The following NOS1AP variants were observed in gnomAD, a reference collection of about 807,000 sequenced individuals.
NOS1AP encodes the protein nitric oxide synthase 1 adaptor protein, also known as carboxyl-terminal PDZ ligand of neuronal nitric oxide synthase protein.
NOS1AP carries 21 observed loss-of-function variants against 56.2 expected under a neutral mutation model. That is an observed-to-expected ratio of 0.37 (90% CI 0.26 to 0.54). The LOEUF (loss-of-function observed/expected upper bound fraction) is 0.54, where lower values mean the gene tolerates loss of function less well. Ranked by LOEUF, NOS1AP falls within the 20% of genes least tolerant of loss-of-function variation. The pLI is 0.84. For synonymous variants in NOS1AP, 270 were observed against 274.6 expected (o/e 0.98, Z 0.17); for missense variants, 522 against 657.8 (o/e 0.79, Z 2.26).
intron 1 of NOS1AP, among the ~76,000 whole-genome samples, chr1:162,125,771 A>G (rs1329459517): frequency 6.6e-6 from 1 of 152,090 alleles, no homozygotes; most frequent in East Asian, 1.9e-4. Flanking sequence ...TTTTGGTTCC[A>G]TATGAATTTT....
At chr1:162,128,942 A>T in intron 1 of NOS1AP, among the ~76,000 whole-genome samples, 1 of 152,168 alleles carries the variant, frequency 6.6e-6, no homozygotes, top group East Asian at 1.9e-4. Flanking sequence ...TTCCAATGGA[A>T]CCATTGATTC....
intron 1 of NOS1AP, among the ~76,000 whole-genome samples, chr1:162,139,440 A>G (rs1649140451): frequency 6.6e-6 from 1 of 152,230 alleles, no homozygotes; most frequent in Admixed American, 6.5e-5. Context: ...GACTGATGAC[A>G]GGATGTCCAC....
intron 1 of NOS1AP, among the ~76,000 whole-genome samples, chr1:162,148,320 C>G (rs886653789): frequency 1.3e-5 from 2 of 152,170 alleles, no homozygotes; most frequent in African/African-American, 2.4e-5. Flanking sequence ...CTGTGGGAGG[C>G]ACGGTCAGCT....
At chr1:162,218,034 G>A (rs1288531048) in intron 2 of NOS1AP, among the ~76,000 whole-genome samples, 1 of 152,198 alleles carries the variant, frequency 6.6e-6, no homozygotes, top group Non-Finnish European at 1.5e-5. Context: ...TGGAGAGGTT[G>A]ACTAACTTCC....
intron 1 of NOS1AP, among the ~76,000 whole-genome samples, chr1:162,081,318 AACGGGTC>A (rs1436318813): frequency 1.3e-5 from 2 of 152,158 alleles, no homozygotes; most frequent in Non-Finnish European, 2.9e-5. Flanking sequence ...GCCATTGGGC[AACGGGTC>A]ACCTGTAAAG....
chr1:162,155,570 C>A (rs758531882), intron 2 of NOS1AP, among the ~76,000 whole-genome samples: 9 of 151,862 alleles, frequency 5.9e-5, no homozygotes, highest in Non-Finnish European at 1.0e-4. Flanking sequence ...AGTGTAAGCG[C>A]ATTTTCTTCT....
chr1:162,347,019 G>C (rs966694807), intron 6 of NOS1AP, among the ~76,000 whole-genome samples: 27 of 152,242 alleles, frequency 1.8e-4, no homozygotes, highest in African/African-American at 6.0e-4. Flanking sequence ...ATAGACTTTG[G>C]CGAATATTTT....
At chr1:162,203,917 G>A (rs1652077843) in intron 2 of NOS1AP, among the ~76,000 whole-genome samples, 1 of 152,180 alleles carries the variant, frequency 6.6e-6, no homozygotes, top group Non-Finnish European at 1.5e-5. Flanking sequence ...AAGATCTGAA[G>A]TTCAAGAAAT....
intron 2 of NOS1AP, among the ~76,000 whole-genome samples, chr1:162,178,600 C>T (rs1651146028): frequency 6.6e-6 from 1 of 152,148 alleles, no homozygotes; most frequent in Admixed American, 6.5e-5. Flanking sequence ...CACTTACACT[C>T]ATCCCTCCTG....
chr1:162,218,425 C>G (rs1652655198), intron 2 of NOS1AP, among the ~76,000 whole-genome samples: 1 of 152,110 alleles, frequency 6.6e-6, no homozygotes, highest in African/African-American at 2.4e-5. Context: ...AAACCAAGCC[C>G]CTTCGGTTAT....
At chr1:162,329,383 G>A (rs375361745) in intron 4 of NOS1AP, among the ~76,000 whole-genome samples, 1 of 147,608 alleles carries the variant, frequency 6.8e-6, no homozygotes, top group East Asian at 1.9e-4. Context: ...GAGAGAGAGA[G>A]AAAAGAAATT....
At chr1:162,134,485 TAAAAAA>T (rs66940059) in intron 1 of NOS1AP, among the ~76,000 whole-genome samples, 5 of 92,708 alleles carry the variant, frequency 5.4e-5, no homozygotes, top group East Asian at 5.2e-4. Context: ...AGACTTTGTC[TAAAAAA>T]AAAAAAAAAA....
At chr1:162,250,051 C>G (rs189191180) in intron 2 of NOS1AP, among the ~76,000 whole-genome samples, 43 of 152,284 alleles carry the variant, frequency 2.8e-4, no homozygotes, top group African/African-American at 1.0e-3. Flanking sequence ...CCTGTCTGTT[C>G]CCTTGTTCTG....
intron 1 of NOS1AP, among the ~76,000 whole-genome samples, chr1:162,128,380 G>T (rs1648584269): frequency 6.6e-6 from 1 of 151,608 alleles, no homozygotes; most frequent in Non-Finnish European, 1.5e-5. Context: ...TATTTTTGGG[G>T]GTATATTAAT....
intron 1 of NOS1AP, among the ~76,000 whole-genome samples, chr1:162,142,563 G>T (rs74125931): frequency 0.14 from 20,599 of 152,108 alleles, 1,764 homozygotes; most frequent in African/African-American, 0.24. Flanking sequence ...TGATCATTGT[G>T]TATGATCCTT....
At chr1:162,079,621 C>T (rs1035519476) in intron 1 of NOS1AP, among the ~76,000 whole-genome samples, 1 of 152,222 alleles carries the variant, frequency 6.6e-6, no homozygotes, top group Non-Finnish European at 1.5e-5. Context: ...TCTCATACTT[C>T]GTAGGGTTAA....
chr1:162,365,610 G>A (rs1440246726), intron 9 of NOS1AP, 41 bp downstream of exon 9: 24 of 1,601,558 alleles, frequency 1.5e-5, no homozygotes, highest in African/African-American at 1.1e-4. Flanking sequence ...CTCTGTGAAG[G>A]CTCTGGAAAG....
rs759154024 is a variant in NOS1AP, at chr1:162,154,417, C to T, written c.118C>T (p.Leu40=). The T allele has an allele frequency of 6.2e-7, 1 of 1,614,148 alleles. No individual in the cohort carries two copies. The highest frequency in any genetic ancestry group is 1.7e-5 in the Admixed American group (1 of 60,022). ...TTCTCCCCCACAGTACGTAGGAAGC[C>T]TGGACGTGCCAAGGCCCAACAGCAG... is the stretch of plus-strand genomic sequence containing the variant. The part of the protein sequence containing the change: ...ICFEAKYVGS[L]DVPRPNSRVE... The change falls in exon 2 of 10, where the codon CTG becomes TTG. Residue 40 remains leucine (L), a synonymous_variant. Coordinates refer to ENST00000361897, the MANE Select transcript of NOS1AP (RefSeq NM_014697.3).
At chr1:162,185,820 T>C (rs913200750) in intron 2 of NOS1AP, among the ~76,000 whole-genome samples, 1 of 152,188 alleles carries the variant, frequency 6.6e-6, no homozygotes, top group African/African-American at 2.4e-5. Flanking sequence ...CAAAACCCTA[T>C]GCATGCAAAT....
Sources: gnomAD v4.1 joint callset for allele counts (sites outside exome capture counted in the v4.1 genomes callset) on GRCh38, gnomAD v4.1.1 for gene constraint, MANE v1.5 for transcripts, NCBI Gene and HGNC (gene_info 2026-07-23, HGNC 2026-07-21) for gene names.